FAM114A2: variants seen among roughly 807,000 people sequenced by gnomAD.
FAM114A2 encodes protein FAM114A2.
In FAM114A2, 53 loss-of-function variants were observed where a neutral mutation model predicts 58.4. The observed-to-expected ratio is 0.91, with a 90% CI of 0.73 to 1.14. The LOEUF is 1.14. FAM114A2 is among the 50% of genes most tolerant of loss of function. The probability of loss-of-function intolerance (pLI) is 0.00; values close to 1 mark genes in which losing one functional copy is unlikely to be tolerated. For synonymous variants in FAM114A2, 228 were observed against 211.4 expected (o/e 1.08, Z -0.68); for missense variants, 601 against 581.1 (o/e 1.03, Z -0.35).
At chr5:154,026,907 G>A (rs995925122) in intron 7 of FAM114A2, among the ~76,000 whole-genome samples, 5 of 148,210 alleles carry the variant, frequency 3.4e-5, no homozygotes, top group African/African-American at 1.2e-4. Context: ...AGACCAAAAC[G>A]AAGGAAAAAT....
At chr5:154,004,961 T>C (rs1770258274) in intron 9 of FAM114A2, among the ~76,000 whole-genome samples, 1 of 152,160 alleles carries the variant, frequency 6.6e-6, no homozygotes. Flanking sequence ...TCCAGCCTCA[T>C]CTCTTATCAT....
intron 9 of FAM114A2, among the ~76,000 whole-genome samples, 178 bp from the exon 10 acceptor site, chr5:154,003,147 T>C (rs1770111136): frequency 6.6e-6 from 1 of 151,800 alleles, no homozygotes; most frequent in Admixed American, 6.6e-5. Flanking sequence ...CTGTGGTCCA[T>C]CATTCCTTTT....
At chr5:154,027,464 A>G (rs1771868953) in intron 6 of FAM114A2, 130 bp from the exon 7 acceptor site, 3 of 637,188 alleles carry the variant, frequency 4.7e-6, no homozygotes, top group Admixed American at 3.6e-5. Flanking sequence ...TGGCACTGCT[A>G]TTCAAATCTG....
At chr5:154,011,033 T>C (rs1770661084) in intron 9 of FAM114A2, among the ~76,000 whole-genome samples, 1 of 152,126 alleles carries the variant, frequency 6.6e-6, no homozygotes, top group Non-Finnish European at 1.5e-5. Context: ...CAGGTAAGGA[T>C]GGGACACGTG....
At chr5:154,023,580 G>A (rs1158207663) in intron 8 of FAM114A2, among the ~76,000 whole-genome samples, 1 of 152,098 alleles carries the variant, frequency 6.6e-6, no homozygotes, top group Non-Finnish European at 1.5e-5. Flanking sequence ...CTATGAGGAT[G>A]CAAAGGCTTA....
At chr5:154,029,655 ATT>A in intron 4 of FAM114A2, 75 bp from the exon 5 acceptor site, 1 of 782,466 alleles carries the variant, frequency 1.3e-6, no homozygotes, top group Non-Finnish European at 2.2e-6. Context: ...ATCTATGTGA[ATT>A]TTTTAAAACT....
intron 1 of FAM114A2, chr5:154,037,112 T>C (rs1037656970): frequency 2.0e-5 from 3 of 152,192 alleles, no homozygotes; most frequent in Non-Finnish European, 4.4e-5. Flanking sequence ...TGACAGATGA[T>C]GATGCCAATG....
intron 8 of FAM114A2, among the ~76,000 whole-genome samples, chr5:154,019,891 A>G (rs903556095): frequency 2.0e-5 from 3 of 152,198 alleles, no homozygotes; most frequent in African/African-American, 7.2e-5. Context: ...AATTGACCAC[A>G]TAGTTGGAAG....
intron 3 of FAM114A2, 34 bp downstream of exon 3, chr5:154,034,240 TACAC>T: frequency 1.6e-6 from 2 of 1,243,516 alleles, no homozygotes; most frequent in Non-Finnish European, 2.3e-6. Flanking sequence ...ATAAAATAAA[TACAC>T]ACACAAAAAT....
chr5:154,001,587 CTT>C (rs1268618035), intron 11 of FAM114A2, among the ~76,000 whole-genome samples: 1 of 152,158 alleles, frequency 6.6e-6, no homozygotes, highest in Non-Finnish European at 1.5e-5. Flanking sequence ...AATGGGCACT[CTT>C]ATACATTTGT....
chr5:154,028,330 T>A (rs774070536), intron 5 of FAM114A2, 47 bp from the exon 6 acceptor site: 1 of 1,239,452 alleles, frequency 8.1e-7, no homozygotes, highest in Non-Finnish European at 1.1e-6. Flanking sequence ...AGAAAACATA[T>A]TTTTATGCAT....
chr5:154,007,283 A>G (rs952342684), intron 9 of FAM114A2, among the ~76,000 whole-genome samples: 21 of 152,198 alleles, frequency 1.4e-4, no homozygotes, highest in Non-Finnish European at 2.8e-4. Flanking sequence ...GCAGATCTCA[A>G]TAGGTACCTT....
chr5:154,011,725 C>T (rs983954319), intron 8 of FAM114A2, among the ~76,000 whole-genome samples: 1 of 152,140 alleles, frequency 6.6e-6, no homozygotes, highest in Non-Finnish European at 1.5e-5. Flanking sequence ...TAAGCAAGTA[C>T]TGTACATGCG....
In FAM114A2 at chr5:153,994,956, T is replaced by C. The variant is rs368648196; in HGVS notation, c.1346A>G (p.Asp449Gly). The C allele has an allele frequency of 3.3e-5, 53 of 1,609,654 alleles. No individual in the cohort carries two copies. The African/African-American group carries it at 6.8e-4, about 21-fold the overall frequency. The part of the protein sequence containing the change: ...LTTAGVKEMA[D>G]VLNPLITAVF... ...TGCAGTGATTAATGGGTTAAGGACA[T>C]CTGCCATTTCTTTGACCTGGAATAA... The change falls in exon 13 of 14, where the codon GAT becomes GGT. Residue 449 changes from aspartate to glycine, a missense_variant. Transcript: ENST00000351797.
chr5:154,011,426 T>C, intron 8 of FAM114A2, 106 bp from the exon 9 acceptor site: 2 of 696,968 alleles, frequency 2.9e-6, no homozygotes, highest in Admixed American at 2.4e-5. Context: ...GTGACAGTAG[T>C]AGTAATAACA....
At chr5:154,027,550 G>C (rs1052271377) in intron 6 of FAM114A2, 1 of 395,604 alleles carries the variant, frequency 2.5e-6, no homozygotes, top group Non-Finnish European at 4.5e-6. Flanking sequence ...ACCCAGGCTG[G>C]AGTGCAGTGG....
intron 8 of FAM114A2, among the ~76,000 whole-genome samples, chr5:154,019,011 CCCACTCTCA>C (rs1391315648): frequency 6.6e-6 from 1 of 152,064 alleles, no homozygotes. Context: ...GACAAGGATG[CCCACTCTCA>C]CCACTCCTCT....
chr5:154,028,061 G>T, intron 6 of FAM114A2, 88 bp downstream of exon 6: 1 of 1,202,386 alleles, frequency 8.3e-7, no homozygotes, highest in South Asian at 1.7e-5. Context: ...TGCTTGAAAA[G>T]AAAACACTAA....
At chr5:154,009,863 G>A (rs930964754) in intron 9 of FAM114A2, among the ~76,000 whole-genome samples, 16 of 152,176 alleles carry the variant, frequency 1.1e-4, no homozygotes, top group African/African-American at 3.4e-4. Flanking sequence ...AAAAGTACAT[G>A]GCAACTAAAT....
Sources: gnomAD v4.1 joint callset for allele counts (sites outside exome capture counted in the v4.1 genomes callset) on GRCh38, gnomAD v4.1.1 for gene constraint, MANE v1.5 for transcripts, NCBI Gene and HGNC (gene_info 2026-07-23, HGNC 2026-07-21) for gene names.